The following SLCO1B3 variants were observed in gnomAD, a reference collection of about 807,000 sequenced individuals.
SLCO1B3 encodes liver-specific organic anion transporter 2.
A neutral mutation model predicts 71.8 loss-of-function variants in SLCO1B3; 72 were observed. The ratio of observed to expected loss-of-function variants is 1.00; its 90% CI spans 0.83 to 1.22. The LOEUF (loss-of-function observed/expected upper bound fraction) is 1.22. Ranked by LOEUF, SLCO1B3 falls within the 50% of genes most tolerant of loss-of-function variation. SLCO1B3 has a pLI of 0.00. For synonymous variants in SLCO1B3, 298 were observed against 278.4 expected, an observed-to-expected ratio of 1.07 and a Z score of -0.70; for missense variants, 911 against 819.7, an observed-to-expected ratio of 1.11 and a Z score of -1.36.
intron 3 of SLCO1B3, among the ~76,000 whole-genome samples, chr12:20,836,398 T>A (rs982851841): frequency 1.3e-5 from 2 of 152,228 alleles, no homozygotes; most frequent in Non-Finnish European, 2.9e-5. Context: ...TGAATTTTTT[T>A]ACTAATATTT....
chr12:20,906,476 A>G lies in SLCO1B3; in HGVS notation c.1865+5009A>G, dbSNP rs7961818. 7.0e-3 allele frequency among the ~76,000 whole-genome samples: 1,062 copies of G among 152,280 alleles called. 14 individuals carry two copies. The highest frequency in any genetic ancestry group is 0.024 in the African/African-American group (977 of 41,558). ...TAGAACTTTACAACATAAAAAGTGA[A>G]CTCTAATGTAAAATATGCATTTAAT... On this transcript the variant is annotated intron_variant, in intron 15 of 15. Transcript: ENST00000381545.
chr12:20,817,996 G>T (rs1385319913), intron 3 of SLCO1B3, among the ~76,000 whole-genome samples: 1 of 152,142 alleles, frequency 6.6e-6, no homozygotes, highest in East Asian at 1.9e-4. Flanking sequence ...CAAGAGCAGG[G>T]CATGTATGAG....
chr12:20,846,709 T>G (rs1864927685), intron 3 of SLCO1B3, among the ~76,000 whole-genome samples: 1 of 152,112 alleles, frequency 6.6e-6, no homozygotes, highest in South Asian at 2.1e-4. Flanking sequence ...AAGTCTAAGC[T>G]TCTACTGGAA....
chr12:20,860,494 C>T (rs533249677), intron 5 of SLCO1B3, among the ~76,000 whole-genome samples: 2 of 152,154 alleles, frequency 1.3e-5, no homozygotes, highest in South Asian at 2.1e-4. Flanking sequence ...TGAGCATCAG[C>T]GTCTGTCCCT....
At chr12:20,885,465 CAAAT>C (rs1034978092) in intron 13 of SLCO1B3, among the ~76,000 whole-genome samples, 7 of 151,740 alleles carry the variant, frequency 4.6e-5, no homozygotes, top group Non-Finnish European at 7.4e-5. Context: ...AACTAATAAA[CAAAT>C]AAGCAAGTAA....
chr12:20,868,054 G>T (rs74588265), intron 8 of SLCO1B3, among the ~76,000 whole-genome samples: 3,056 of 152,162 alleles, frequency 0.02, 79 homozygotes, highest in East Asian at 0.092. Flanking sequence ...ATTTCCTTGT[G>T]ATTTTCTAAA....
rs375727406 is a variant in SLCO1B3 at position 20,872,392 on chromosome 12, G to A, written c.728-2843G>A. ...TCCAAGAGCTTAGTCCTGGACTCAG[G>A]GACCCCAAAAGCCTTCTTGTTGCTC... On this transcript the variant is annotated intron_variant, in intron 8 of 15. Transcript: ENST00000381545. Among the ~76,000 whole-genome samples, 121 of 151,850 alleles carry A rather than the reference G, an allele frequency of 8.0e-4. 2 individuals are homozygous for A. In the South Asian group the frequency reaches 0.024, roughly 30 times the overall value.
intron 3 of SLCO1B3, among the ~76,000 whole-genome samples, chr12:20,826,471 A>G (rs1375446240): frequency 6.6e-6 from 1 of 152,134 alleles, no homozygotes; most frequent in African/African-American, 2.4e-5. Flanking sequence ...TCTTTAGTGA[A>G]TTAATTCTTT....
intron 10 of SLCO1B3, among the ~76,000 whole-genome samples, chr12:20,879,052 A>G (rs1865637102): frequency 6.6e-6 from 1 of 152,050 alleles, no homozygotes; most frequent in Non-Finnish European, 1.5e-5. Flanking sequence ...AGCTCCTCAT[A>G]GAAATAACCT....
At chr12:20,898,198 T>C (rs1235379217) in intron 13 of SLCO1B3, among the ~76,000 whole-genome samples, 3 of 152,148 alleles carry the variant, frequency 2.0e-5, no homozygotes, top group Non-Finnish European at 4.4e-5. Flanking sequence ...AATGTGAACA[T>C]ATTTGTTAAA....
At chr12:20,811,226 C>CATT (rs1177020129) in intron 1 of SLCO1B3, among the ~76,000 whole-genome samples, 3 of 152,112 alleles carry the variant, frequency 2.0e-5, no homozygotes, top group Admixed American at 1.3e-4. Context: ...GTCACTTAAT[C>CATT]ACCTCACTTT....
intron 3 of SLCO1B3, among the ~76,000 whole-genome samples, chr12:20,834,317 A>G (rs1477624668): frequency 2.1e-5 from 3 of 145,560 alleles, no homozygotes; most frequent in East Asian, 2.0e-4. Context: ...TAGGTTGTAT[A>G]TATACATATA....
At chr12:20,817,915 C>T (rs1446063636) in intron 3 of SLCO1B3, among the ~76,000 whole-genome samples, 1 of 152,032 alleles carries the variant, frequency 6.6e-6, no homozygotes, top group Non-Finnish European at 1.5e-5. Flanking sequence ...TCTAGAGTGG[C>T]AGTTTGGGGA....
intron 7 of SLCO1B3, 50 bp downstream of exon 7, chr12:20,862,608 CCTTGAAATAATAATGTCATTATTT>C: frequency 6.6e-7 from 1 of 1,517,032 alleles, no homozygotes; most frequent in South Asian, 1.2e-5. Context: ...CTGGATCTAC[CCTTGAAATAATAATGTCATTATTT>C]TTTTCTTTTA....
intron 3 of SLCO1B3, among the ~76,000 whole-genome samples, chr12:20,824,879 A>T (rs1864388347): frequency 6.6e-6 from 1 of 152,178 alleles, no homozygotes; most frequent in Non-Finnish European, 1.5e-5. Flanking sequence ...GAAGTTTAAA[A>T]TACTTAATAT....
In SLCO1B3 at chr12:20,916,088, A is replaced by G. The variant is rs1565612672; in HGVS notation, c.1950A>G (p.Lys650=). The change falls in exon 16 of 16, where the codon AAA becomes AAG. Residue 650 remains lysine, a synonymous_variant. Coordinates refer to ENST00000381545, the MANE Select transcript of SLCO1B3 (RefSeq NM_019844.4). The stretch of plus-strand genomic sequence containing the variant: ...TTTTCATTTTTGCTATGAAGAAAAA[A>G]TTTCAAGGAAAAGATACCAAGGCAT... The part of the protein sequence containing the change: ...YIVFIFAMKK[K]FQGKDTKASD... The G allele has an allele frequency of 3.1e-6, 5 of 1,613,338 alleles. No individual in the cohort carries two copies. Among genetic ancestry groups the G allele is most frequent in the Non-Finnish European group, 4.2e-6 (5 of 1,179,524 alleles).
At chr12:20,904,284 G>A (rs1490455448) in intron 15 of SLCO1B3, among the ~76,000 whole-genome samples, 2 of 151,764 alleles carry the variant, frequency 1.3e-5, no homozygotes, top group African/African-American at 4.8e-5. Flanking sequence ...TGGGGGTACA[G>A]GCATTTGGTA....
At chr12:20,871,635 CT>C (rs1865476582) in intron 8 of SLCO1B3, among the ~76,000 whole-genome samples, 1 of 152,142 alleles carries the variant, frequency 6.6e-6, no homozygotes, top group Admixed American at 6.5e-5. Flanking sequence ...GAGGTACTGC[CT>C]TGGTGGCCTT....
At chr12:20,818,326 A>C (rs1467825897) in intron 3 of SLCO1B3, among the ~76,000 whole-genome samples, 1 of 152,142 alleles carries the variant, frequency 6.6e-6, no homozygotes, top group Non-Finnish European at 1.5e-5. Context: ...TGATTTGACT[A>C]ATAAGGGCTG....
Sources: gnomAD v4.1 joint callset for allele counts (sites outside exome capture counted in the v4.1 genomes callset) on GRCh38, gnomAD v4.1.1 for gene constraint, MANE v1.5 for transcripts, NCBI Gene and HGNC (gene_info 2026-07-23, HGNC 2026-07-21) for gene names.